The following BSN variants were observed in gnomAD, a reference collection of about 807,000 sequenced individuals.
BSN encodes bassoon presynaptic cytomatrix protein.
In BSN, 57 loss-of-function variants were observed where a neutral mutation model predicts 264.8. The observed-to-expected ratio is 0.22, with a 90% CI of 0.17 to 0.27. The LOEUF (loss-of-function observed/expected upper bound fraction) is 0.27, where lower values mean the gene tolerates loss of function less well. Among genes scored for constraint, BSN ranks in the 10% least tolerant of loss-of-function variants. The probability of loss-of-function intolerance (pLI) is 1.00; values close to 1 mark genes in which losing one functional copy is unlikely to be tolerated. For synonymous variants in BSN, 2,059 were observed against 2,137.3 expected, an observed-to-expected ratio of 0.96 and a Z score of 1.01; for missense variants, 4,615 against 5,232.5, an observed-to-expected ratio of 0.88 and a Z score of 3.64.
In BSN at chr3:49,652,253, C is replaced by T. The variant is rs921614444; in HGVS notation, c.2697C>T (p.His899=). 1.2e-6 allele frequency: 2 copies of T among 1,604,022 alleles called. No homozygotes were observed. The highest frequency in any genetic ancestry group is 1.3e-5 in the African/African-American group (1 of 74,572). ...CACTGCCCAAGAGGCGCCTGCCCCA[C>T]AATGCCACCACGGGCTATGAGGAGC... ...PAALPKRRLP[H]NATTGYEELL... Residue 899 remains histidine, a synonymous_variant, in exon 5 of 12, where the codon CAC becomes CAT. Transcript: ENST00000296452.
intron 1 of BSN, among the ~76,000 whole-genome samples, chr3:49,591,863 C>G (rs560655634): frequency 1.3e-5 from 2 of 152,216 alleles, no homozygotes; most frequent in Non-Finnish European, 2.9e-5. Context: ...GGTACGATTA[C>G]AGGCATGAAC....
chr3:49,584,532 A>G (rs1448155565), intron 1 of BSN, among the ~76,000 whole-genome samples: 3 of 152,006 alleles, frequency 2.0e-5, no homozygotes, highest in Non-Finnish European at 4.4e-5. Context: ...TTTATAAGGT[A>G]CCTGAGATGT....
At chr3:49,645,410 C>T (rs979862131) in intron 3 of BSN, among the ~76,000 whole-genome samples, 17 of 152,168 alleles carry the variant, frequency 1.1e-4, no homozygotes, top group Non-Finnish European at 1.8e-4. Context: ...GCCAGCAGCC[C>T]GGGGTCATCC....
intron 1 of BSN, among the ~76,000 whole-genome samples, chr3:49,595,675 G>A (rs867757421): frequency 1.3e-5 from 2 of 152,156 alleles, no homozygotes; most frequent in Non-Finnish European, 2.9e-5. Flanking sequence ...TGTTTTTTAA[G>A]TGTATTCCTA....
chr3:49,556,174 G>A (rs990783549), intron 1 of BSN, among the ~76,000 whole-genome samples: 1 of 152,200 alleles, frequency 6.6e-6, no homozygotes. Context: ...AGGCTTTAGT[G>A]TTCTCCTTCC....
At chr3:49,634,603 T>A (rs2052407587) in intron 2 of BSN, among the ~76,000 whole-genome samples, 1 of 152,072 alleles carries the variant, frequency 6.6e-6, no homozygotes, top group South Asian at 2.1e-4. Context: ...CATTGGCCAG[T>A]CTGGTCTCGA....
chr3:49,657,331 G>C lies in BSN; in HGVS notation c.7775G>C (p.Gly2592Ala). The C allele has an allele frequency of 6.2e-7, 1 of 1,613,504 alleles. No individual in the cohort carries two copies. Among genetic ancestry groups the C allele is most frequent in the Non-Finnish European group, 8.5e-7 (1 of 1,180,032 alleles). ...AGCGTGCAGACAGACGATGAGGATG[G>C]GGAGAGCCGCTACCTCTTGAGTCGG... Reference protein sequence around the residue: ...DSSVQTDDEDGESRYLLSRRR... With the variant: ...DSSVQTDDEDAESRYLLSRRR... Residue 2592 changes from glycine to alanine, a missense_variant, in exon 5 of 12, where the codon GGG becomes GCG. Physicochemically the swap from Gly to Ala is moderately conservative, Grantham distance 60. Around this residue, in one of 3 missense-constraint regions of BSN, gnomAD observed 3,415 missense variants for 3,866.4 expected, o/e 0.88. Coordinates refer to ENST00000296452, the MANE Select transcript of BSN (RefSeq NM_003458.4).
At position 49,650,988 on chromosome 3, in the gene BSN, C is replaced by T. The variant is rs752887975; in HGVS notation, c.1895C>T (p.Thr632Ile). 6.2e-7 allele frequency: 1 copy of T among 1,614,148 alleles called. No individual in the cohort carries two copies. Among genetic ancestry groups the T allele is most frequent in the Middle Eastern group, 1.7e-4 (1 of 6,058 alleles). Residue 632 changes from threonine (T) to isoleucine (I), a missense_variant, in exon 4 of 12, where the codon ACT becomes ATT. By Grantham distance (89) the Thr-to-Ile change is moderately conservative. Transcript: ENST00000296452. The stretch of plus-strand genomic sequence containing the variant: ...CCAGAGACTACCCCAACCCCTGCGA[C>T]TCCTAAAGTAAAGAGTGGGGTGAGG... ...PPPETTPTPA[T>I]PKVKSGVRRA...
chr3:49,664,216 C>T (rs1432312316), intron 8 of BSN, among the ~76,000 whole-genome samples: 1 of 152,028 alleles, frequency 6.6e-6, no homozygotes, highest in Admixed American at 6.5e-5. Context: ...CTTTCTTCTT[C>T]TTTCCCTTCC....
chr3:49,599,580 C>G (rs987088912), intron 1 of BSN, among the ~76,000 whole-genome samples: 4 of 152,128 alleles, frequency 2.6e-5, no homozygotes, highest in Admixed American at 1.3e-4. Flanking sequence ...ACACCACAGA[C>G]TCTCACTGTT....
At chr3:49,606,185 A>AT (rs2052141516) in intron 1 of BSN, among the ~76,000 whole-genome samples, 1 of 48,990 alleles carries the variant, frequency 2.0e-5, no homozygotes, top group Non-Finnish European at 3.5e-5. Context: ...ATATGTATAT[A>AT]TATTATATAT....
intron 3 of BSN, among the ~76,000 whole-genome samples, chr3:49,643,547 G>A (rs2052484127): frequency 6.6e-6 from 1 of 152,198 alleles, no homozygotes; most frequent in South Asian, 2.1e-4. Context: ...GGTGGGGATC[G>A]AATGGCCATG....
At chr3:49,627,202 T>A (rs905343945) in intron 2 of BSN, among the ~76,000 whole-genome samples, 4 of 152,230 alleles carry the variant, frequency 2.6e-5, no homozygotes, top group Admixed American at 2.6e-4. Context: ...CTGAGGGGCA[T>A]CACAGAGTTC....
At chr3:49,578,618 ATG>A (rs1395894809) in intron 1 of BSN, among the ~76,000 whole-genome samples, 2 of 43,910 alleles carry the variant, frequency 4.6e-5, no homozygotes, top group African/African-American at 5.8e-5. Context: ...CGTGTTAGCC[ATG>A]TGGTCTCAAT....
intron 2 of BSN, chr3:49,640,430 A>T: frequency 6.6e-6 from 1 of 152,236 alleles, no homozygotes; most frequent in East Asian, 1.9e-4. Context: ...TTGGGAAAGA[A>T]TAAGCACTAT....
At position 49,652,293 on chromosome 3, in the gene BSN, G is replaced by C; in HGVS notation, c.2737G>C (p.Gly913Arg). The change falls in exon 5 of 12, where the codon GGC (glycine) becomes CGC (arginine). Residue 913 changes from glycine (G) to arginine (R), a missense_variant. By Grantham distance (125) the Gly-to-Arg change is moderately radical (BLOSUM62 -2). This residue lies in a region of BSN where 1,197 missense variants were observed against 1,348.0 expected (regional missense o/e 0.89). Coordinates refer to ENST00000296452, the MANE Select transcript of BSN (RefSeq NM_003458.4). ...CTATGAGGAGCTGCTCCCTGAGGGA[G>C]GCTCAGCAGAGGCTACCGATGGCAG... ...TGYEELLPEG[G>R]SAEATDGSGT... is the part of the protein sequence containing the mutation. 3 of 1,596,522 alleles carry C rather than the reference G, an allele frequency of 1.9e-6. No individual in the cohort carries two copies. Among genetic ancestry groups the C allele is most frequent in the Non-Finnish European group, 2.6e-6 (3 of 1,170,482 alleles).
Position 49,602,445 on chromosome 3 carries a change from A to ATTT in BSN, c.225-22513_225-22511dup, listed in dbSNP as rs752244991. Reference sequence around the variant, plus strand: ...TATATGTGTCACTTCCTCTCTTTAAATTTTTTTTTTTTTTTTTTTAGCCAG... The same window carrying ATTT: ...TATATGTGTCACTTCCTCTCTTTAAATTTTTTTTTTTTTTTTTTTTTTAGCCAG... On this transcript the variant is annotated intron_variant, in intron 1 of 11. Coordinates refer to ENST00000296452, the MANE Select transcript of BSN (RefSeq NM_003458.4). 2.2e-5 allele frequency among the ~76,000 whole-genome samples: 3 copies of ATTT among 139,040 alleles called. No individual in the cohort carries two copies. In the East Asian group the frequency reaches 6.3e-4, roughly 29 times the overall value. 91.2% of individuals were successfully genotyped at this position (139,040 alleles called of 152,430 possible).
intron 1 of BSN, 23 bp downstream of exon 1, chr3:49,554,849 G>C: frequency 8.8e-7 from 1 of 1,139,560 alleles, no homozygotes; most frequent in Non-Finnish European, 1.1e-6. Context: ...CTCGGCGCCC[G>C]GGGGGCGGTG....
chr3:49,612,394 C>G (rs1217203154), intron 1 of BSN, among the ~76,000 whole-genome samples: 1 of 152,184 alleles, frequency 6.6e-6, no homozygotes, highest in Non-Finnish European at 1.5e-5. Context: ...CTCGGCCTCC[C>G]AAAGTGCTGG....
Sources: allele counts gnomAD v4.1 joint callset (sites outside exome capture counted in the v4.1 genomes callset), GRCh38; gene constraint gnomAD v4.1.1; regional missense constraint gnomAD v4.1.1; transcripts MANE v1.5; gene names NCBI Gene and HGNC (gene_info 2026-07-23, HGNC 2026-07-21).